The following TRIM37 variants were observed in gnomAD, a reference collection of about 807,000 sequenced individuals.
TRIM37 encodes the protein E3 ubiquitin-protein ligase TRIM37.
Under a neutral mutation model 129.8 loss-of-function variants are expected in TRIM37, and 80 were observed. The ratio of observed to expected loss-of-function variants is 0.62; its 90% confidence interval spans 0.51 to 0.74. The LOEUF (loss-of-function observed/expected upper bound fraction) is 0.74, where lower values mean the gene tolerates loss of function less well. TRIM37 is among the 30% of genes least tolerant of loss of function. The pLI, the probability that TRIM37 is intolerant of heterozygous loss-of-function variation, is 0.00. For synonymous variants in TRIM37, 389 were observed against 387.1 expected, an observed-to-expected ratio of 1.00 and a Z score of -0.06; for missense variants, 1,054 against 1,176.5, an observed-to-expected ratio of 0.90 and a Z score of 1.52.
At chr17:58,967,823 C>A in the TRIM37 span, among the ~76,000 whole-genome samples, 1 of 146,956 alleles carries the variant, frequency 6.8e-6, no homozygotes, top group Non-Finnish European at 1.5e-5. Context: ...TTTTTTGAAA[C>A]GGAGTCTCGC....
At chr17:59,070,165 C>T (rs1171378415) in intron 9 of TRIM37, among the ~76,000 whole-genome samples, 1 of 152,166 alleles carries the variant, frequency 6.6e-6, no homozygotes, top group African/African-American at 2.4e-5. Flanking sequence ...ACCAGTCTAA[C>T]ACCACAGAAT....
intron 19 of TRIM37, among the ~76,000 whole-genome samples, chr17:59,021,663 C>T (rs1474389358): frequency 6.6e-6 from 1 of 151,076 alleles, no homozygotes; most frequent in African/African-American, 2.4e-5. Flanking sequence ...TTAATGGGTA[C>T]AAAAATATAG....
Position 59,047,577 on chromosome 17 carries a change from T to A in TRIM37, c.1667+106A>T, listed in dbSNP as rs561886351. The A allele has an allele frequency of 1.8e-4, 209 of 1,140,380 alleles. 1 individual carries two copies. Among genetic ancestry groups the A allele is most frequent in the South Asian group, 1.7e-3 (124 of 74,292 alleles). The allele number at this position is 1,140,380 out of a possible 1,614,324, so 70.6% of individuals were successfully genotyped here. The stretch of plus-strand genomic sequence containing the variant: ...GAGAGAAAACTGACTATTGATTCAA[T>A]CTTTCAAAAAAGTGCTGAATATCCC... On this transcript the variant is annotated intron_variant, in intron 16 of 23. Transcript: ENST00000262294.
At chr17:58,979,969 C>T (rs751979084), downstream of TRIM37, 29 of 1,606,464 alleles carry the variant, frequency 1.8e-5, no homozygotes, top group South Asian at 3.3e-5. Context: ...CTCTGCTTCC[C>T]GCAGGAGATG....
At chr17:58,970,913 C>T in the TRIM37 span, among the ~76,000 whole-genome samples, 1 of 152,020 alleles carries the variant, frequency 6.6e-6, no homozygotes, top group African/African-American at 2.4e-5. Context: ...TTCACTCTGT[C>T]TTCTTCATCC....
intron 23 of TRIM37, among the ~76,000 whole-genome samples, chr17:59,000,360 G>C (rs925045366): frequency 6.6e-6 from 1 of 152,188 alleles, no homozygotes; most frequent in African/African-American, 2.4e-5. Context: ...AGTACTTTGG[G>C]AGGCCAAGGT....
chr17:59,061,319 G>A (rs559014365), intron 11 of TRIM37, among the ~76,000 whole-genome samples: 1 of 151,056 alleles, frequency 6.6e-6, no homozygotes, highest in South Asian at 2.1e-4. Flanking sequence ...AAAAATGAAG[G>A]GAAATATCAA....
At chr17:58,981,989 T>C (rs538737137), downstream of TRIM37, 3 of 152,784 alleles carry the variant, frequency 2.0e-5, no homozygotes, top group South Asian at 2.1e-4. Context: ...TACTATAAAA[T>C]ACAAAGTGAT....
At chr17:59,106,084 A>T (rs955847090) in intron 1 of TRIM37, among the ~76,000 whole-genome samples, 1 of 152,224 alleles carries the variant, frequency 6.6e-6, no homozygotes. Flanking sequence ...GATTTAGATC[A>T]GCTCAAGAAC....
Position 59,104,376 on chromosome 17 carries a change from G to A in TRIM37, c.40C>T (p.Arg14Ter). ...AATTTCTCCATACAAATGAAACATC[G>A]GAAAACCTCAGCAATGCTCTGAAAA... Reference protein sequence around the residue: ...QSVESIAEVFRCFICMEKLRD... With the variant: ...QSVESIAEVF The change falls in exon 2 of 24, where the codon CGA (arginine) becomes TGA (stop). Residue 14 changes from arginine (R) to a stop codon, truncating the protein, a stop_gained. Transcript: ENST00000262294. LOFTEE classifies it high-confidence loss of function. 4 of 1,614,080 alleles carry A rather than the reference G, an allele frequency of 2.5e-6. No individual in the cohort carries two copies. Among genetic ancestry groups the A allele is most frequent in the Non-Finnish European group, 3.4e-6 (4 of 1,180,024 alleles).
chr17:59,028,805 A>T (rs2037512260), intron 18 of TRIM37, 82 bp from the exon 19 acceptor site: 2 of 1,450,058 alleles, frequency 1.4e-6, no homozygotes, highest in African/African-American at 2.8e-5. Flanking sequence ...TGCAAATTTG[A>T]TGTGTAAAAT....
In TRIM37 at chr17:59,041,877, T is replaced by G; in HGVS notation, c.1689A>C (p.Glu563Asp). The G allele has an allele frequency of 6.2e-7, 1 of 1,613,496 alleles. No individual in the cohort carries two copies. Among genetic ancestry groups the G allele is most frequent in the Non-Finnish European group, 8.5e-7 (1 of 1,179,478 alleles). The change falls in exon 17 of 24, where the codon GAA becomes GAC. Residue 563 changes from glutamate to aspartate, a missense_variant. Transcript: ENST00000262294. ...CCTCTTCTAATTCCATGTTGTTATA[T>G]TCCACATCATTTTCTCCAGACCTAA... The part of the protein sequence containing the change: ...EETMSGENDV[E>D]YNNMELEEGE...
At position 59,017,305 on chromosome 17, in the gene TRIM37, G is replaced by C. The variant is rs970260948; in HGVS notation, c.2377C>G (p.Leu793Val). 1 of 1,613,986 alleles carries C rather than the reference G, an allele frequency of 6.2e-7. No individual in the cohort carries two copies. Among genetic ancestry groups the C allele is most frequent in the African/African-American group, 1.3e-5 (1 of 74,934 alleles). The stretch of plus-strand genomic sequence containing the variant: ...AATCCCTCAAATTTACCTTCAGACA[G>C]AGTCTGACAGTCTCCCTTTGAACGA... ...NSRSKGDCQT[L>V]SEGSPGSSQS... Residue 793 changes from leucine (L) to valine (V), a missense_variant, in exon 20 of 24, where the codon CTG becomes GTG. This residue lies in a region of TRIM37 where 287 missense variants were observed against 274.3 expected (regional missense o/e 1.05). Transcript: ENST00000262294.
At chr17:59,098,640 G>C (rs2147508653) in intron 2 of TRIM37, among the ~76,000 whole-genome samples, 1 of 148,598 alleles carries the variant, frequency 6.7e-6, no homozygotes, top group East Asian at 2.0e-4. Context: ...GCTCCAACGT[G>C]GGCAACAGAG....
intron 15 of TRIM37, 125 bp downstream of exon 15, chr17:59,049,053 T>C: frequency 5.2e-6 from 4 of 767,600 alleles, no homozygotes; most frequent in Non-Finnish European, 9.0e-6. Flanking sequence ...CATACATACA[T>C]TACTAATGGA....
chr17:59,070,759 G>T, intron 9 of TRIM37, 64 bp downstream of exon 9: 1 of 1,478,920 alleles, frequency 6.8e-7, no homozygotes, highest in Admixed American at 1.9e-5. Context: ...ACATTCTTTT[G>T]AAACAAGTAT....
At chr17:59,032,115 TA>T in intron 17 of TRIM37, 25 bp from the exon 18 acceptor site, 9 of 1,607,414 alleles carry the variant, frequency 5.6e-6, no homozygotes, top group Non-Finnish European at 7.7e-6. Flanking sequence ...TAGAAAATGA[TA>T]TATATATGCA....
downstream of TRIM37, among the ~76,000 whole-genome samples, chr17:58,997,374 C>T (rs999649032): frequency 2.0e-5 from 3 of 152,206 alleles, no homozygotes; most frequent in South Asian, 2.1e-4. Context: ...GGGTCTGCTG[C>T]AAGTGAGATA....
chr17:59,091,113 C>A (rs1410134540), intron 3 of TRIM37, among the ~76,000 whole-genome samples, 187 bp downstream of exon 3: 1 of 151,840 alleles, frequency 6.6e-6, no homozygotes, highest in Admixed American at 6.6e-5. Context: ...ACATAGTAAA[C>A]GTAATTTTAA....
Sources: gnomAD v4.1 joint callset for allele counts (sites outside exome capture counted in the v4.1 genomes callset) on GRCh38, gnomAD v4.1.1 for gene constraint, gnomAD v4.1.1 regional missense constraint, MANE v1.5 for transcripts, NCBI Gene and HGNC (gene_info 2026-07-23, HGNC 2026-07-21) for gene names.